The following KIF6 variants were observed in gnomAD, a reference collection of about 807,000 sequenced individuals.
KIF6 encodes the protein kinesin family member 6.
In KIF6, 106 loss-of-function variants were observed where a neutral mutation model predicts 112.7. The observed-to-expected ratio is 0.94, with a 90% CI of 0.80 to 1.11. The LOEUF (loss-of-function observed/expected upper bound fraction) is 1.11, where lower values mean the gene tolerates loss of function less well. Ranked by LOEUF, KIF6 falls within the 50% of genes least tolerant of loss-of-function variation. KIF6 has a pLI of 0.00. For synonymous variants in KIF6, 339 were observed against 339.9 expected (o/e 1.00, Z 0.03); for missense variants, 929 against 964.0 (o/e 0.96, Z 0.48).
intron 13 of KIF6, among the ~76,000 whole-genome samples, chr6:39,528,673 G>A (rs1562290004): frequency 6.6e-6 from 1 of 152,158 alleles, no homozygotes; most frequent in East Asian, 1.9e-4. Context: ...ATTCTGACAG[G>A]TGTGACTTGG....
rs1384143760 is a variant in KIF6 at position 39,454,664 on chromosome 6, C to T, written c.1646-23503G>A. Among the ~76,000 whole-genome samples, 5 of 152,132 alleles carry T rather than the reference C, an allele frequency of 3.3e-5. No homozygotes were observed. The East Asian group carries it at 9.6e-4, about 29-fold the overall frequency. On this transcript the variant is annotated intron_variant, in intron 13 of 22. Transcript: ENST00000287152. ...GTGGGCGCAGGCCAGTGGGTGCGCA[C>T]ACCGTGCGCGAGCCGAAGCAGGGCG... is the stretch of plus-strand genomic sequence containing the variant.
intron 13 of KIF6, among the ~76,000 whole-genome samples, chr6:39,484,326 T>C (rs969214043): frequency 6.6e-6 from 1 of 152,216 alleles, no homozygotes; most frequent in Non-Finnish European, 1.5e-5. Context: ...CTAATAATGA[T>C]GAATAAATTC....
At chr6:39,344,815 T>C (rs1323188688) in intron 21 of KIF6, among the ~76,000 whole-genome samples, 2 of 152,130 alleles carry the variant, frequency 1.3e-5, no homozygotes, top group East Asian at 3.9e-4. Flanking sequence ...TGTTCTCCTG[T>C]CTCTCCTTAA....
intron 10 of KIF6, among the ~76,000 whole-genome samples, chr6:39,562,803 T>G (rs1380562532): frequency 6.6e-6 from 1 of 152,224 alleles, no homozygotes; most frequent in East Asian, 1.9e-4. Flanking sequence ...ATTATGAACA[T>G]TTGCTGAATG....
At chr6:39,434,002 C>G (rs1232511659) in intron 13 of KIF6, among the ~76,000 whole-genome samples, 1 of 152,154 alleles carries the variant, frequency 6.6e-6, no homozygotes, top group South Asian at 2.1e-4. Flanking sequence ...ACTTCCTTGT[C>G]CCTCTGAGGA....
At chr6:39,650,745 T>G (rs952059217) in intron 3 of KIF6, among the ~76,000 whole-genome samples, 2 of 152,092 alleles carry the variant, frequency 1.3e-5, no homozygotes, top group Admixed American at 1.3e-4. Flanking sequence ...TATAGAAATT[T>G]ATTAGGACAG....
intron 12 of KIF6, 59 bp downstream of exon 12, chr6:39,544,496 C>T (rs751197493): frequency 6.5e-7 from 1 of 1,535,742 alleles, no homozygotes. Flanking sequence ...GGAAAGACTG[C>T]TGTTTACCCC....
At chr6:39,427,750 A>T (rs1770872522) in intron 14 of KIF6, among the ~76,000 whole-genome samples, 1 of 152,178 alleles carries the variant, frequency 6.6e-6, no homozygotes, top group South Asian at 2.1e-4. Flanking sequence ...ATCCTGCATA[A>T]CTTAGGTATG....
intron 14 of KIF6, among the ~76,000 whole-genome samples, chr6:39,428,390 A>G (rs985659378): frequency 2.0e-5 from 3 of 152,348 alleles, no homozygotes; most frequent in South Asian, 4.1e-4. Flanking sequence ...CAACACGTCC[A>G]ACTAGCCATA....
intron 13 of KIF6, among the ~76,000 whole-genome samples, chr6:39,431,957 A>T (rs931612567): frequency 2.8e-5 from 4 of 141,634 alleles, no homozygotes; most frequent in African/African-American, 5.2e-5. Flanking sequence ...CTATAGAGCC[A>T]TTTTTTTTTT....
intron 14 of KIF6, among the ~76,000 whole-genome samples, chr6:39,421,400 ACTCTT>A (rs1193421672): frequency 6.6e-6 from 1 of 151,970 alleles, no homozygotes; most frequent in Non-Finnish European, 1.5e-5. Context: ...CCTCCTCCGC[ACTCTT>A]CTCTTCTCAC....
Position 39,715,337 on chromosome 6 carries a change from A to T in KIF6, c.177-571T>A, listed in dbSNP as rs570875600. Reference sequence around the variant, plus strand: ...TGAGTCAAAAGTCAAAAAGTAAATTATGATAGACCTGTCCCACAGAGAGAA... The same window carrying T: ...TGAGTCAAAAGTCAAAAAGTAAATTTTGATAGACCTGTCCCACAGAGAGAA... On this transcript the variant is annotated intron_variant, in intron 2 of 22. Coordinates refer to ENST00000287152, the MANE Select transcript of KIF6 (RefSeq NM_145027.6). Among the ~76,000 whole-genome samples the T allele has an allele frequency of 3.3e-5, 5 of 152,254 alleles. No individual in the cohort carries two copies. In the South Asian group the frequency reaches 1.0e-3, roughly 32 times the overall value.
chr6:39,511,264 G>A (rs986676275), intron 13 of KIF6, among the ~76,000 whole-genome samples: 7 of 151,926 alleles, frequency 4.6e-5, no homozygotes, highest in Admixed American at 2.0e-4. Flanking sequence ...AAACAACCTC[G>A]TCAAAAAGTG....
At chr6:39,644,804 G>A (rs1282701304) in intron 3 of KIF6, among the ~76,000 whole-genome samples, 2 of 152,034 alleles carry the variant, frequency 1.3e-5, no homozygotes, top group Admixed American at 1.3e-4. Flanking sequence ...AAGAGTAAAT[G>A]TTTTAGTATT....
chr6:39,406,617 A>G (rs1014558519), intron 15 of KIF6, among the ~76,000 whole-genome samples: 25 of 152,162 alleles, frequency 1.6e-4, no homozygotes, highest in African/African-American at 6.0e-4. Context: ...CCCTCTAAAT[A>G]CTGTTTCAAC....
intron 5 of KIF6, among the ~76,000 whole-genome samples, chr6:39,633,015 T>C (rs570078178): frequency 5.9e-5 from 9 of 152,056 alleles, no homozygotes; most frequent in Admixed American, 2.0e-4. Context: ...GTGATGATAA[T>C]AAATTTTACA....
At chr6:39,385,910 A>T (rs534463359) in intron 15 of KIF6, among the ~76,000 whole-genome samples, 1 of 152,342 alleles carries the variant, frequency 6.6e-6, no homozygotes, top group Admixed American at 6.5e-5. Flanking sequence ...CCTTGAGTTC[A>T]ATCATCTTAG....
chr6:39,550,010 T>C (rs1779279632), intron 10 of KIF6, among the ~76,000 whole-genome samples: 1 of 151,770 alleles, frequency 6.6e-6, no homozygotes, highest in South Asian at 2.1e-4. Context: ...AGTCCCGAAA[T>C]TTTTGGCCAG....
At chr6:39,545,087 A>G (rs1224512648) in intron 11 of KIF6, among the ~76,000 whole-genome samples, 1 of 152,172 alleles carries the variant, frequency 6.6e-6, no homozygotes, top group African/African-American at 2.4e-5. Context: ...TGCTTATTAA[A>G]CTTTGTCTTA....
Sources: gnomAD v4.1 joint callset for allele counts (sites outside exome capture counted in the v4.1 genomes callset) on GRCh38, gnomAD v4.1.1 for gene constraint, MANE v1.5 for transcripts, NCBI Gene and HGNC (gene_info 2026-07-23, HGNC 2026-07-21) for gene names.